The following MRPL9 variants were observed in gnomAD, a reference collection of about 807,000 sequenced individuals.
The protein encoded by MRPL9 is large ribosomal subunit protein bL9m.
Under a neutral mutation model 27.6 loss-of-function variants are expected in MRPL9, and 25 were observed. The ratio of observed to expected loss-of-function variants is 0.91; its 90% CI spans 0.66 to 1.27. The LOEUF (loss-of-function observed/expected upper bound fraction) is 1.27. Among genes scored for constraint, MRPL9 ranks in the 50% most tolerant of loss-of-function variants. MRPL9 has a pLI of 0.00. For synonymous variants in MRPL9, 154 were observed against 139.0 expected (o/e 1.11, Z -0.76); for missense variants, 362 against 338.0 (o/e 1.07, Z -0.56).
chr1:151,763,293 C>CGA (rs767383163), intron 1 of MRPL9, 34 bp downstream of exon 1: 1 of 1,575,256 alleles, frequency 6.3e-7, no homozygotes, highest in Non-Finnish European at 8.6e-7. Flanking sequence ...AATACTCGAG[C>CGA]GTATCTACCC....
rs762309095 is a variant in MRPL9, at chr1:151,763,405, G to C, written c.75C>G (p.Gly25=). ...GTCGCGGCCGCAGTAGCTCCTGGAC[G>C]CCTCCCCGAAGCAGCCGTCCAGCGC... ...RAGAGRLLRG[G]VQELLRPRHE... The change falls in exon 1 of 7, where the codon GGC becomes GGG. Residue 25 remains glycine, a synonymous_variant. Coordinates refer to ENST00000368830, the MANE Select transcript of MRPL9 (RefSeq NM_031420.4). The C allele has an allele frequency of 1.3e-6, 2 of 1,565,442 alleles. No homozygotes were observed. The highest frequency in any genetic ancestry group is 3.8e-5 in the Admixed American group (2 of 53,064).
Position 151,762,403 on chromosome 1 carries a change from G to C in MRPL9, c.408C>G (p.Asn136Lys), listed in dbSNP as rs200876352. The C allele has an allele frequency of 1.8e-4, 287 of 1,614,152 alleles. No individual in the cohort carries two copies. In the East Asian group the frequency reaches 4.5e-3, roughly 25 times the overall value. The change falls in exon 3 of 7, where the codon AAC becomes AAG. Residue 136 changes from asparagine to lysine, a missense_variant. Coordinates refer to ENST00000368830, the MANE Select transcript of MRPL9 (RefSeq NM_031420.4). ...QGLAVYASPE[N>K]KKLFEEEKLL... is the part of the protein sequence containing the mutation. Reference sequence around the variant, plus strand: ...ATTTCTCCTCTTCAAACAGCTTCTTGTTTTCAGGGGATGCATATACAGCCA... The same window carrying C: ...ATTTCTCCTCTTCAAACAGCTTCTTCTTTTCAGGGGATGCATATACAGCCA...
chr1:151,763,439 A>T lies in MRPL9; in HGVS notation c.41T>A (p.Leu14Gln). 1.3e-6 allele frequency: 2 copies of T among 1,570,760 alleles called. No homozygotes were observed. The highest frequency in any genetic ancestry group is 2.7e-5 in the African/African-American group (2 of 74,072). Residue 14 changes from leucine (L) to glutamine (Q), a missense_variant, in exon 1 of 7, where the codon CTG becomes CAG. Transcript: ENST00000368830. Reference sequence around the variant, plus strand: ...AAGCAGCCGTCCAGCGCCCGCCCGCAGCAGAGCTCTGCCCGGGGCCGTGAC... The same window carrying T: ...AAGCAGCCGTCCAGCGCCCGCCCGCTGCAGAGCTCTGCCCGGGGCCGTGAC... Reference protein sequence around the residue: ...PVVTAPGRALLRAGAGRLLRG... With the variant: ...PVVTAPGRALQRAGAGRLLRG...
intron 4 of MRPL9, among the ~76,000 whole-genome samples, chr1:151,761,797 TCTC>T (rs1295327885): frequency 6.6e-6 from 1 of 152,196 alleles, no homozygotes; most frequent in East Asian, 1.9e-4. Context: ...CTGATTATCT[TCTC>T]ATGTGTCCAT....
rs1385031502 is a variant in MRPL9, at chr1:151,762,372, TCA to T, written c.435+2_435+3del. 6.2e-7 allele frequency: 1 copy of T among 1,614,158 alleles called. No individual in the cohort carries two copies. The highest frequency in any genetic ancestry group is 1.7e-5 in the Admixed American group (1 of 60,034). ...AAGTCTCTCTGTCCTTCCTTTGAGC[TCA>T]CCAATTTCTCCTCTTCAAACAGCTT... On this transcript the variant is annotated splice_donor_variant and splice_donor_region_variant and intron_variant, in intron 3 of 6. Transcript: ENST00000368830. LOFTEE classifies it high-confidence loss of function.
chr1:151,762,878 T>C lies in MRPL9; in HGVS notation c.310+112A>G. The C allele has an allele frequency of 2.3e-6, 3 of 1,278,774 alleles. No individual in the cohort carries two copies. The South Asian group carries it at 4.2e-5, about 18-fold the overall frequency. 79.2% of individuals were successfully genotyped at this position (1,278,774 alleles called of 1,614,324 possible). On this transcript the variant is annotated intron_variant, in intron 2 of 6. Coordinates refer to ENST00000368830, the MANE Select transcript of MRPL9 (RefSeq NM_031420.4). ...GGCTTCCTCTTCTCACATATAGAGTTGGATTGTTTCCACAAAGAAAAAGCA... is the reference window on the plus strand; with the variant it reads ...GGCTTCCTCTTCTCACATATAGAGTCGGATTGTTTCCACAAAGAAAAAGCA...
intron 6 of MRPL9, among the ~76,000 whole-genome samples, chr1:151,760,488 G>T (rs1055265440): frequency 7.0e-6 from 1 of 142,102 alleles, no homozygotes; most frequent in Non-Finnish European, 1.5e-5. Flanking sequence ...GAGGCAGAAG[G>T]ATCGCTTGAA....
At chr1:151,762,635 A>G (rs1648151146) in intron 2 of MRPL9, 135 bp from the exon 3 acceptor site, 1 of 902,914 alleles carries the variant, frequency 1.1e-6, no homozygotes, top group Non-Finnish European at 1.6e-6. Flanking sequence ...CATATTCACT[A>G]GGAACAAGAT....
At chr1:151,760,926 A>AG in intron 5 of MRPL9, 27 bp from the exon 6 acceptor site, 1 of 1,419,296 alleles carries the variant, frequency 7.0e-7, no homozygotes, top group South Asian at 1.3e-5. Context: ...AAAAAAAAAA[A>AG]TCTCAGCTCA....
At position 151,763,037 on chromosome 1, in the gene MRPL9, T is replaced by C. The variant is rs1323308954; in HGVS notation, c.263A>G (p.His88Arg). 2 of 1,614,236 alleles carry C rather than the reference T, an allele frequency of 1.2e-6. No individual in the cohort carries two copies. Among genetic ancestry groups the C allele is most frequent in the African/African-American group, 2.7e-5 (2 of 75,078 alleles). ...GAGCTCCAGGTTTTCTTTGGGCCGA[T>C]GCTTCGTGTCCTCCACCAGCTTATA... ...RVYKLVEDTK[H>R]RPKENLELIL... The change falls in exon 2 of 7, where the codon CAT becomes CGT. Residue 88 changes from histidine (H) to arginine (R), a missense_variant. Coordinates refer to ENST00000368830, the MANE Select transcript of MRPL9 (RefSeq NM_031420.4).
chr1:151,762,020 G>A, intron 4 of MRPL9, 85 bp downstream of exon 4: 2 of 1,364,022 alleles, frequency 1.5e-6, no homozygotes, highest in Non-Finnish European at 2.1e-6. Flanking sequence ...TCTGCAATCA[G>A]GAGACCTCAA....
chr1:151,761,311 T>C (rs1648067166), intron 5 of MRPL9, 140 bp downstream of exon 5: 2 of 674,964 alleles, frequency 3.0e-6, no homozygotes, highest in Non-Finnish European at 5.3e-6. Context: ...CCCATATTCC[T>C]GCAAACTAAC....
chr1:151,762,252 C>T, intron 3 of MRPL9, 97 bp from the exon 4 acceptor site: 1 of 1,568,754 alleles, frequency 6.4e-7, no homozygotes, highest in Non-Finnish European at 8.8e-7. Flanking sequence ...GGCTGGGCTT[C>T]TGCATTCCTG....
At chr1:151,760,925 A>AAAAAG in intron 5 of MRPL9, 26 bp from the exon 6 acceptor site, 1 of 1,479,426 alleles carries the variant, frequency 6.8e-7, no homozygotes, top group Admixed American at 2.2e-5. Flanking sequence ...AAAAAAAAAA[A>AAAAAG]ATCTCAGCTC....
rs1224273031 is a variant in MRPL9 at position 151,762,380 on chromosome 1, T to A, written c.431A>T (p.Lys144Ile). The change falls in exon 3 of 7, where the codon AAA becomes ATA. Residue 144 changes from lysine to isoleucine, a missense_variant. Transcript: ENST00000368830. The part of the protein sequence containing the change: ...PENKKLFEEE[K>I]LLRQEGKLEK... ...CTGTCCTTCCTTTGAGCTCACCAAT[T>A]TCTCCTCTTCAAACAGCTTCTTGTT... is the stretch of plus-strand genomic sequence containing the variant. The A allele has an allele frequency of 6.2e-7, 1 of 1,614,160 alleles. No homozygotes were observed. The highest frequency in any genetic ancestry group is 2.2e-5 in the East Asian group (1 of 44,878).
intron 5 of MRPL9, 28 bp from the exon 6 acceptor site, chr1:151,760,927 T>TCTC: frequency 1.7e-6 from 1 of 599,588 alleles, no homozygotes; most frequent in African/African-American, 4.8e-5. Flanking sequence ...AAAAAAAAAA[T>TCTC]CTCAGCTCAA....
Position 151,763,098 on chromosome 1 carries a change from C to A in MRPL9, c.202G>T (p.Gly68Cys). 1.2e-6 allele frequency: 2 copies of A among 1,614,062 alleles called. No individual in the cohort carries two copies. Among genetic ancestry groups the A allele is most frequent in the Non-Finnish European group, 1.7e-6 (2 of 1,179,984 alleles). ...RWWKVPLAGE[G>C]RKPRLHRRHR... ...CGCCGGTGCAGGCGCGGCTTCCGGC[C>A]CTCCCCGGCCAGCGGTACCTTCCAC... Residue 68 changes from glycine to cysteine, a missense_variant, in exon 2 of 7, where the codon GGC becomes TGC. By Grantham distance (159) the Gly-to-Cys change is radical. Coordinates refer to ENST00000368830, the MANE Select transcript of MRPL9 (RefSeq NM_031420.4).
chr1:151,760,921 A>AAAAAAAAAAAAAAT lies in MRPL9; in HGVS notation c.589-23_589-22insATTTTTTTTTTTTT, dbSNP rs1553276958. On this transcript the variant is annotated intron_variant, in intron 5 of 6. Coordinates refer to ENST00000368830, the MANE Select transcript of MRPL9 (RefSeq NM_031420.4). The stretch of plus-strand genomic sequence containing the variant: ...CAAGCTGCAAAAAAAAAAAAAAAAA[A>AAAAAAAAAAAAAAT]AAAAATCTCAGCTCAAATGAACTCT... The AAAAAAAAAAAAAAT allele has an allele frequency of 3.1e-5, 48 of 1,541,084 alleles. No individual in the cohort carries two copies. The African/African-American group carries it at 6.6e-4, about 21-fold the overall frequency.
At position 151,759,914 on chromosome 1, in the gene MRPL9, C is replaced by T. The variant is rs950840942; in HGVS notation, c.*136G>A. ...AAAAATGAAGAATTCAACATGTATACGCAGTGCAGTCTGATGTCTTCAGAT... is the reference window on the plus strand; with the variant it reads ...AAAAATGAAGAATTCAACATGTATATGCAGTGCAGTCTGATGTCTTCAGAT... On this transcript the variant is annotated 3_prime_UTR_variant, in exon 7 of 7. Coordinates refer to ENST00000368830, the MANE Select transcript of MRPL9 (RefSeq NM_031420.4). 73 of 1,141,090 alleles carry T rather than the reference C, an allele frequency of 6.4e-5. No homozygotes were observed. Among genetic ancestry groups the T allele is most frequent in the Middle Eastern group, 3.0e-4 (1 of 3,338 alleles). 70.7% of individuals were successfully genotyped at this position (1,141,090 alleles called of 1,614,324 possible). A position where few individuals can be genotyped will look rare whatever the true frequency, so the allele number is the denominator to read the frequency against.
Sources: gnomAD v4.1 joint callset for allele counts (sites outside exome capture counted in the v4.1 genomes callset) on GRCh38, gnomAD v4.1.1 for gene constraint, MANE v1.5 for transcripts, NCBI Gene and HGNC (gene_info 2026-07-23, HGNC 2026-07-21) for gene names.